Variants in TRAPPC9 observed in about 807,000 individuals in gnomAD.
TRAPPC9 encodes trafficking protein particle complex subunit 9.
In TRAPPC9, 83 loss-of-function variants were observed where a neutral mutation model predicts 124.0. That is an observed-to-expected ratio of 0.67 (90% CI 0.56 to 0.80). The LOEUF is 0.80. Ranked by LOEUF, TRAPPC9 falls within the 30% of genes least tolerant of loss-of-function variation. The pLI is 0.00. For synonymous variants in TRAPPC9, 638 were observed against 617.5 expected, an observed-to-expected ratio of 1.03 and a Z score of -0.49; for missense variants, 1,302 against 1,508.3, an observed-to-expected ratio of 0.86 and a Z score of 2.27.
chr8:140,136,614 G>A (rs1245298533), intron 17 of TRAPPC9, among the ~76,000 whole-genome samples: 27 of 152,144 alleles, frequency 1.8e-4, no homozygotes, highest in Admixed American at 1.8e-3. Context: ...GAGGCTGGTG[G>A]ATCACCTGAG....
At position 139,907,373 on chromosome 8, in the gene TRAPPC9, A is replaced by T. The variant is rs544793399; in HGVS notation, c.2964+2774T>A. Among the ~76,000 whole-genome samples, 1 of 152,292 alleles carries T rather than the reference A, an allele frequency of 6.6e-6. No individual in the cohort carries two copies. Among genetic ancestry groups the T allele is most frequent in the African/African-American group, 2.4e-5 (1 of 41,558 alleles). Reference sequence around the variant, plus strand: ...GTTTGTAAAAAGTCTAAATGTTTAGAAAATATTATTAAAATGCATAATGAA... The same window carrying T: ...GTTTGTAAAAAGTCTAAATGTTTAGTAAATATTATTAAAATGCATAATGAA... On this transcript the variant is annotated intron_variant, in intron 20 of 22. Coordinates refer to ENST00000438773, the MANE Select transcript of TRAPPC9 (RefSeq NM_001160372.4). The surrounding 1 kb of genome is among the most constrained non-coding windows in gnomAD (Gnocchi z 4.7).
chr8:139,811,632 A>G (rs571750562), intron 21 of TRAPPC9, among the ~76,000 whole-genome samples: 2 of 152,358 alleles, frequency 1.3e-5, no homozygotes, highest in Non-Finnish European at 2.9e-5. Context: ...GGACTTCTCA[A>G]TAGGGTGGAG....
chr8:140,292,903 G>T (rs1336047040), intron 11 of TRAPPC9, among the ~76,000 whole-genome samples: 1 of 140,440 alleles, frequency 7.1e-6, no homozygotes, highest in Non-Finnish European at 1.5e-5. Context: ...CACAGCAAAA[G>T]AAACTACCAT....
chr8:140,103,041 A>T (rs985386458), intron 17 of TRAPPC9, among the ~76,000 whole-genome samples: 4 of 152,192 alleles, frequency 2.6e-5, no homozygotes, highest in African/African-American at 9.6e-5. Context: ...AGAAAGCAGG[A>T]ATTCCACTAG....
chr8:140,243,353 A>G (rs1054357899), intron 16 of TRAPPC9, among the ~76,000 whole-genome samples: 1 of 152,226 alleles, frequency 6.6e-6, no homozygotes, highest in Non-Finnish European at 1.5e-5. Flanking sequence ...GGGGAAGCAG[A>G]GAAGGTTTCT....
At position 140,360,232 on chromosome 8, in the gene TRAPPC9, A is replaced by AGAG. The variant is rs538755439; in HGVS notation, c.1352-42_1352-40dup. On this transcript the variant is annotated intron_variant, in intron 8 of 22. Transcript: ENST00000438773. ...TACAAAACATCACAAAAGTGCTTGGAGAGGGTACAGGAAATACGGTTAATC... is the reference window on the plus strand; with the variant it reads ...TACAAAACATCACAAAAGTGCTTGGAGAGGAGGGTACAGGAAATACGGTTAATC... 6.4e-5 allele frequency: 103 copies of AGAG among 1,613,498 alleles called. No homozygotes were observed. The East Asian group carries it at 2.1e-3, about 34-fold the overall frequency.
intron 8 of TRAPPC9, among the ~76,000 whole-genome samples, chr8:140,364,292 CAAAAAAAAAA>C (rs34616334): frequency 3.8e-5 from 2 of 53,066 alleles, no homozygotes; most frequent in Admixed American, 2.1e-4. Context: ...TCAAAGGATG[CAAAAAAAAAA>C]AAAAAAAAAA....
intron 17 of TRAPPC9, among the ~76,000 whole-genome samples, chr8:140,184,465 T>G (rs1298590286): frequency 6.6e-6 from 1 of 152,186 alleles, no homozygotes; most frequent in East Asian, 1.9e-4. Context: ...AGACAGAATC[T>G]CACTCTGTTG....
At chr8:140,237,594 A>G (rs2063756475) in intron 16 of TRAPPC9, among the ~76,000 whole-genome samples, 1 of 152,084 alleles carries the variant, frequency 6.6e-6, no homozygotes, top group African/African-American at 2.4e-5. Flanking sequence ...CCACTGGTCT[A>G]TTCTTGCAGT....
chr8:140,004,001 A>G (rs1043013792), intron 18 of TRAPPC9, among the ~76,000 whole-genome samples: 2 of 152,240 alleles, frequency 1.3e-5, no homozygotes, highest in African/African-American at 4.8e-5. Flanking sequence ...GTACAACAGA[A>G]AGCAACTCAG....
intron 19 of TRAPPC9, among the ~76,000 whole-genome samples, chr8:139,928,988 G>A (rs887864175): frequency 6.6e-6 from 1 of 151,946 alleles, no homozygotes; most frequent in African/African-American, 2.4e-5. Flanking sequence ...TACGGGAGAC[G>A]TGTGCGTGGG....
At chr8:139,967,798 T>C (rs769161157) in intron 19 of TRAPPC9, among the ~76,000 whole-genome samples, 1 of 152,208 alleles carries the variant, frequency 6.6e-6, no homozygotes, top group Non-Finnish European at 1.5e-5. Context: ...GGAAACTGTA[T>C]AATAAAACAG....
intron 21 of TRAPPC9, among the ~76,000 whole-genome samples, chr8:139,817,893 C>T (rs1824965308): frequency 6.6e-6 from 1 of 152,180 alleles, no homozygotes; most frequent in Non-Finnish European, 1.5e-5. Context: ...GACTTGCTTA[C>T]TCATGTCTTA....
chr8:140,418,669 C>T (rs190243280), intron 5 of TRAPPC9, among the ~76,000 whole-genome samples: 9 of 151,834 alleles, frequency 5.9e-5, no homozygotes, highest in African/African-American at 2.2e-4. Flanking sequence ...TGCAGTGAGC[C>T]GAGATATGCA....
chr8:139,739,044 TTATC>T (rs896417773), intron 21 of TRAPPC9, among the ~76,000 whole-genome samples: 1 of 152,102 alleles, frequency 6.6e-6, no homozygotes, highest in African/African-American at 2.4e-5. Context: ...CATCATTCAT[TTATC>T]TAACAAGCAC....
intron 17 of TRAPPC9, among the ~76,000 whole-genome samples, chr8:140,135,641 A>C (rs989064075): frequency 2.0e-5 from 3 of 152,222 alleles, no homozygotes; most frequent in Non-Finnish European, 4.4e-5. Context: ...AGTATGGAAG[A>C]ACGAGGAATT....
intron 16 of TRAPPC9, among the ~76,000 whole-genome samples, chr8:140,250,942 C>T (rs552794878): frequency 1.3e-5 from 2 of 152,268 alleles, no homozygotes; most frequent in South Asian, 4.2e-4. Flanking sequence ...TGCAATTTTG[C>T]TCAATTTTTC....
chr8:140,278,784 T>A (rs2065208701), intron 14 of TRAPPC9, among the ~76,000 whole-genome samples: 1 of 152,210 alleles, frequency 6.6e-6, no homozygotes, highest in Admixed American at 6.5e-5. Flanking sequence ...GCGACTCCCA[T>A]CCTGGAATGC....
At chr8:140,313,380 G>A (rs961185920) in intron 9 of TRAPPC9, among the ~76,000 whole-genome samples, 1 of 152,168 alleles carries the variant, frequency 6.6e-6, no homozygotes, top group African/African-American at 2.4e-5. Context: ...TCCAAGAAAG[G>A]AAAGGCACCA....
Sources: allele counts gnomAD v4.1 joint callset (sites outside exome capture counted in the v4.1 genomes callset), GRCh38; gene constraint gnomAD v4.1.1; non-coding constraint Gnocchi (gnomAD v3.1); transcripts MANE v1.5; gene names NCBI Gene and HGNC (gene_info 2026-07-23, HGNC 2026-07-21).